Variants in SERINC5 observed in about 807,000 individuals in gnomAD.
The protein encoded by SERINC5 is serine incorporator 5, also known as chromosome 5 open reading frame 12.
In SERINC5, 41 loss-of-function variants were observed where a neutral mutation model predicts 63.1. The observed-to-expected ratio is 0.65, with a 90% CI of 0.51 to 0.84. SERINC5 has a LOEUF of 0.84. Ranked by LOEUF, SERINC5 falls within the 40% of genes least tolerant of loss-of-function variation. SERINC5 has a pLI of 0.00. For missense variants in SERINC5, 523 were observed against 573.0 expected (o/e 0.91, Z 0.89); for synonymous variants, 222 against 215.2 (o/e 1.03, Z -0.28).
rs568984468 is a variant in SERINC5 at position 80,173,544 on chromosome 5, C to A, written c.551+1410G>T. ...CCGGGAGGCGGAGCTTGCAGTGAGC[C>A]GAGATTGTGCCACTGCACTCCAGCC... On this transcript the variant is annotated intron_variant, in intron 5 of 11. Coordinates refer to ENST00000507668, the MANE Select transcript of SERINC5 (RefSeq NM_001174072.3). Among the ~76,000 whole-genome samples, 26 of 152,080 alleles carry A rather than the reference C, an allele frequency of 1.7e-4. No homozygotes were observed. The East Asian group carries it at 4.7e-3, about 27-fold the overall frequency.
At position 80,209,051 on chromosome 5, in the gene SERINC5, C is replaced by T. The variant is rs148042794; in HGVS notation, c.28-5998G>A. Among the ~76,000 whole-genome samples the T allele has an allele frequency of 1.4e-3, 211 of 152,274 alleles. 2 individuals carry two copies. Among genetic ancestry groups the T allele is most frequent in the Middle Eastern group, 3.4e-3 (1 of 294 alleles). ...CCAAAGCGAGTAGACTGCTTGAGGCCAGGAGTTCGAGGCCAGCCTGGCCAA... is the reference window on the plus strand; with the variant it reads ...CCAAAGCGAGTAGACTGCTTGAGGCTAGGAGTTCGAGGCCAGCCTGGCCAA... On this transcript the variant is annotated intron_variant, in intron 1 of 11. Coordinates refer to ENST00000507668, the MANE Select transcript of SERINC5 (RefSeq NM_001174072.3).
chr5:80,209,626 G>C (rs1750338290), intron 1 of SERINC5, among the ~76,000 whole-genome samples: 1 of 152,180 alleles, frequency 6.6e-6, no homozygotes, highest in South Asian at 2.1e-4. Flanking sequence ...CCGAGGAACA[G>C]GCCTAGATGT....
chr5:80,199,800 C>T (rs1393536813), intron 2 of SERINC5, among the ~76,000 whole-genome samples: 1 of 152,180 alleles, frequency 6.6e-6, no homozygotes, highest in Non-Finnish European at 1.5e-5. Flanking sequence ...GCAGGGATCA[C>T]ACTACAACCA....
At chr5:80,166,346 A>C in intron 7 of SERINC5, 37 bp downstream of exon 7, 2 of 1,325,794 alleles carry the variant, frequency 1.5e-6, no homozygotes, top group Non-Finnish European at 2.1e-6. Context: ...GAAAATATTC[A>C]CACCGCAAAC....
At chr5:80,160,151 G>C (rs1746790762) in intron 7 of SERINC5, among the ~76,000 whole-genome samples, 1 of 152,074 alleles carries the variant, frequency 6.6e-6, no homozygotes, top group South Asian at 2.1e-4. Flanking sequence ...CTTATCTCCA[G>C]GTAGAGCATC....
At chr5:80,112,919 G>A (rs550926822) in intron 12 of SERINC5, among the ~76,000 whole-genome samples, 24 of 152,218 alleles carry the variant, frequency 1.6e-4, no homozygotes, top group Admixed American at 6.5e-4. Flanking sequence ...AGCTGTGATC[G>A]CACCACTGCA....
At chr5:80,228,710 T>C (rs1751284733) in intron 1 of SERINC5, among the ~76,000 whole-genome samples, 1 of 152,136 alleles carries the variant, frequency 6.6e-6, no homozygotes, top group Admixed American at 6.6e-5. Flanking sequence ...ATTACAGACA[T>C]GAACCACCAT....
rs1426873757 is a variant in SERINC5 at position 80,141,374 on chromosome 5, T to TA, written c.*2288dup. On this transcript the variant is annotated 3_prime_UTR_variant, in exon 12 of 12. Transcript: ENST00000507668. ...CCACACTCCCTTGCTTGGGCTTCCC[T>TA]AAGCTGCTTTCTGCAGAGGAAAGGG... 5 of 985,306 alleles carry TA rather than the reference T, an allele frequency of 5.1e-6. No homozygotes were observed. Among genetic ancestry groups the TA allele is most frequent in the Non-Finnish European group, 6.0e-6 (5 of 829,942 alleles). The allele number at this position is 985,306 out of a possible 1,614,324, so 61.0% of individuals were successfully genotyped here.
chr5:80,221,806 A>G (rs1279021924), intron 1 of SERINC5, among the ~76,000 whole-genome samples: 1 of 151,642 alleles, frequency 6.6e-6, no homozygotes, highest in Non-Finnish European at 1.5e-5. Context: ...AAAAAAAAAA[A>G]TCAATGAACA....
chr5:80,120,980 C>T lies in SERINC5; in HGVS notation c.1239-7355G>A, dbSNP rs139214766. Among the ~76,000 whole-genome samples, 760 of 152,162 alleles carry T rather than the reference C, an allele frequency of 5.0e-3. 8 individuals carry two copies. The highest frequency in any genetic ancestry group is 0.017 in the African/African-American group (721 of 41,540). On this transcript the variant is annotated intron_variant, in intron 11 of 12. Transcript: ENST00000509193. ...TTGACTCACTGCAACCTCCGCCTCC[C>T]AGGTTCCAGTGATTCTCCTGCCTCA...
rs1452674050 is a variant in SERINC5, at chr5:80,208,194, T to TGTAAACCATGGACTTTAGGTG, written c.28-5162_28-5142dup. Reference sequence around the variant, plus strand: ...ATACAACGCCAAGAGGGAATGCTAATGTAAACCATGGACTTTAGGTGGTAG... The same window carrying TGTAAACCATGGACTTTAGGTG: ...ATACAACGCCAAGAGGGAATGCTAATGTAAACCATGGACTTTAGGTGGTAAACCATGGACTTTAGGTGGTAG... On this transcript the variant is annotated intron_variant, in intron 1 of 11. Transcript: ENST00000507668. 5.3e-5 allele frequency among the ~76,000 whole-genome samples: 8 copies of TGTAAACCATGGACTTTAGGTG among 152,168 alleles called. No individual in the cohort carries two copies. In the East Asian group the frequency reaches 1.5e-3, roughly 29 times the overall value.
chr5:80,242,245 G>C (rs539001760), intron 1 of SERINC5, among the ~76,000 whole-genome samples: 1 of 152,306 alleles, frequency 6.6e-6, no homozygotes, highest in African/African-American at 2.4e-5. Flanking sequence ...ATACTTTTAA[G>C]TATAAAGACA....
intron 1 of SERINC5, among the ~76,000 whole-genome samples, chr5:80,215,797 A>AT (rs1166380823): frequency 6.6e-6 from 1 of 152,186 alleles, no homozygotes; most frequent in Non-Finnish European, 1.5e-5. Flanking sequence ...ACCAGAACCA[A>AT]GTCTGAAATG....
intron 1 of SERINC5, among the ~76,000 whole-genome samples, chr5:80,253,449 C>CT (rs1190804500): frequency 1.3e-5 from 2 of 152,208 alleles, no homozygotes; most frequent in Non-Finnish European, 2.9e-5. Context: ...ACAGTCCAGT[C>CT]TTCACGACAT....
chr5:80,124,379 C>T (rs908613529), intron 11 of SERINC5, among the ~76,000 whole-genome samples: 5 of 152,216 alleles, frequency 3.3e-5, no homozygotes, highest in Admixed American at 1.3e-4. Flanking sequence ...TTTTCCACAC[C>T]TCTGCCTGCC....
Position 80,150,873 on chromosome 5 carries a change from T to TG in SERINC5, c.1053+8dup. ...GATGAAGCAGGACAGGAAAAGGAAATGAACTTACCTCCAATTCAGGAGCTG... is the reference window on the plus strand; with the variant it reads ...GATGAAGCAGGACAGGAAAAGGAAATGGAACTTACCTCCAATTCAGGAGCTG... On this transcript the variant is annotated intron_variant, in intron 9 of 11. Transcript: ENST00000507668. 2 of 1,601,358 alleles carry TG rather than the reference T, an allele frequency of 1.2e-6. No homozygotes were observed. Among genetic ancestry groups the TG allele is most frequent in the Non-Finnish European group, 1.7e-6 (2 of 1,168,408 alleles).
At chr5:80,117,343 T>C (rs969309478) in intron 11 of SERINC5, among the ~76,000 whole-genome samples, 2 of 152,028 alleles carry the variant, frequency 1.3e-5, no homozygotes, top group Non-Finnish European at 2.9e-5. Flanking sequence ...ACCTACCTCA[T>C]AGAATTAGTG....
At chr5:80,185,765 C>T (rs1748759095) in intron 2 of SERINC5, among the ~76,000 whole-genome samples, 1 of 152,084 alleles carries the variant, frequency 6.6e-6, no homozygotes, top group African/African-American at 2.4e-5. Flanking sequence ...AGGACTTTCA[C>T]AAGGTAATGT....
rs552598227 is a variant in SERINC5, at chr5:80,173,916, C to T, written c.551+1038G>A. Among the ~76,000 whole-genome samples the T allele has an allele frequency of 8.5e-5, 13 of 152,162 alleles. No homozygotes were observed. The East Asian group carries it at 2.3e-3, about 27-fold the overall frequency. ...GTCTTTACACTCGACACCTAAAGCC[C>T]TTTGTTTCAATTCTAATAGAGAATT... On this transcript the variant is annotated intron_variant, in intron 5 of 11. Coordinates refer to ENST00000507668, the MANE Select transcript of SERINC5 (RefSeq NM_001174072.3).
Sources: allele counts gnomAD v4.1 joint callset (sites outside exome capture counted in the v4.1 genomes callset), GRCh38; gene constraint gnomAD v4.1.1; transcripts MANE v1.5; gene names NCBI Gene and HGNC (gene_info 2026-07-23, HGNC 2026-07-21).